Variants in IL1RAPL2 observed in about 807,000 individuals in gnomAD.
IL1RAPL2 encodes the protein interleukin 1 receptor accessory protein like 2.
In IL1RAPL2, 3 loss-of-function variants were observed where a neutral mutation model predicts 44.1. That is an observed-to-expected ratio of 0.07 (90% CI 0.03 to 0.18). The LOEUF is 0.18. Among genes scored for constraint, IL1RAPL2 ranks in the 10% least tolerant of loss-of-function variants. The pLI is 1.00. For synonymous variants in IL1RAPL2, 181 were observed against 178.8 expected, an observed-to-expected ratio of 1.01 and a Z score of -0.10; for missense variants, 391 against 496.4, an observed-to-expected ratio of 0.79 and a Z score of 2.02.
At chrX:104,874,512 T>A (rs916344307) in intron 2 of IL1RAPL2, among the ~76,000 whole-genome samples, 2 of 110,874 alleles carry the variant, frequency 1.8e-5, no homozygotes, top group Non-Finnish European at 3.8e-5. Context: ...GCTGCCAGGA[T>A]ACAGGAAAGT....
intron 4 of IL1RAPL2, among the ~76,000 whole-genome samples, chrX:105,263,568 C>T (rs1569415212): frequency 9.0e-6 from 1 of 111,598 alleles, no homozygotes; most frequent in Admixed American, 9.5e-5. Context: ...ATGTAGCTGG[C>T]AACAGGTTAC....
intron 2 of IL1RAPL2, among the ~76,000 whole-genome samples, chrX:105,150,919 T>G (rs192073341): frequency 8.9e-6 from 1 of 112,018 alleles, no homozygotes; most frequent in African/African-American, 3.2e-5. Context: ...TGTGGAGAAA[T>G]AGAGGAAATC....
At chrX:104,865,369 G>C (rs750674081) in intron 2 of IL1RAPL2, among the ~76,000 whole-genome samples, 3 of 112,038 alleles carry the variant, frequency 2.7e-5, no homozygotes, top group Admixed American at 9.5e-5. Context: ...GCTATATTAT[G>C]TTAGGCATAA....
intron 2 of IL1RAPL2, among the ~76,000 whole-genome samples, chrX:104,709,528 T>C (rs750504093): frequency 2.7e-5 from 3 of 110,384 alleles, no homozygotes; most frequent in African/African-American, 6.6e-5. Flanking sequence ...TTCTTACCCA[T>C]CCCTCTTCTG....
intron 2 of IL1RAPL2, among the ~76,000 whole-genome samples, chrX:105,126,268 T>C (rs1245072709): frequency 9.0e-6 from 1 of 111,121 alleles, no homozygotes; most frequent in Non-Finnish European, 1.9e-5. Flanking sequence ...TGATCTATCA[T>C]GTAATTCTAT....
intron 6 of IL1RAPL2, among the ~76,000 whole-genome samples, chrX:105,667,895 A>G (rs1454568357): frequency 9.0e-6 from 1 of 111,322 alleles, no homozygotes; most frequent in Non-Finnish European, 1.9e-5. Flanking sequence ...ACAAGTAACA[A>G]TTAACACAGG....
intron 1 of IL1RAPL2, among the ~76,000 whole-genome samples, chrX:104,570,679 T>C (rs1928129000): frequency 8.9e-6 from 1 of 112,380 alleles, no homozygotes; most frequent in Non-Finnish European, 1.9e-5. Flanking sequence ...CAGTTTCTTT[T>C]GGGCTTCCCC....
chrX:104,732,064 T>C (rs1319931970), intron 2 of IL1RAPL2, among the ~76,000 whole-genome samples: 1 of 111,663 alleles, frequency 9.0e-6, no homozygotes, highest in Non-Finnish European at 1.9e-5. Context: ...ATGTAATTCA[T>C]TGGTTAAGAA....
At chrX:105,520,923 CTTTTTTTTTT>C (rs1172515228) in intron 6 of IL1RAPL2, among the ~76,000 whole-genome samples, 12 of 52,373 alleles carry the variant, frequency 2.3e-4, no homozygotes, top group African/African-American at 7.4e-4. Context: ...TTCTTTCTTT[CTTTTTTTTTT>C]TTTTTTTTTT....
intron 5 of IL1RAPL2, among the ~76,000 whole-genome samples, chrX:105,271,651 T>C (rs1016169334): frequency 3.6e-5 from 4 of 111,133 alleles, no homozygotes; most frequent in Non-Finnish European, 7.5e-5. Flanking sequence ...TTTCACGATA[T>C]TGATTCTTCC....
intron 2 of IL1RAPL2, among the ~76,000 whole-genome samples, chrX:105,054,189 T>A (rs1474165700): frequency 9.2e-6 from 1 of 108,834 alleles, no homozygotes; most frequent in Non-Finnish European, 1.9e-5. Flanking sequence ...ACACACACAC[T>A]CACACTGAGA....
At chrX:105,108,753 A>G (rs766841982) in intron 2 of IL1RAPL2, among the ~76,000 whole-genome samples, 1 of 111,553 alleles carries the variant, frequency 9.0e-6, no homozygotes, top group African/African-American at 3.3e-5. Context: ...GACCACTGCA[A>G]CATTCTCTTA....
rs183509805 is a variant in IL1RAPL2 at position 104,750,521 on chromosome X, A to G, written c.82+91526A>G. On this transcript the variant is annotated intron_variant, in intron 2 of 10. Transcript: ENST00000372582. ...TGTGCAGTATTGCTGGCAGGAATAG[A>G]AACAACAAGCAGATGTTTTAGCAGA... 2.5e-3 allele frequency among the ~76,000 whole-genome samples: 275 copies of G among 110,935 alleles called. 1 individual carries two copies. Among genetic ancestry groups the G allele is most frequent in the Non-Finnish European group, 3.2e-3 (171 of 52,939 alleles).
chrX:105,277,002 T>A (rs1018105411), intron 5 of IL1RAPL2, among the ~76,000 whole-genome samples: 1 of 111,457 alleles, frequency 9.0e-6, no homozygotes, highest in Non-Finnish European at 1.9e-5. Flanking sequence ...GACAAATGGA[T>A]CACCTTAGAA....
intron 2 of IL1RAPL2, among the ~76,000 whole-genome samples, chrX:105,010,622 T>G (rs1283011827): frequency 1.8e-5 from 2 of 111,577 alleles, no homozygotes; most frequent in Non-Finnish European, 3.8e-5. Flanking sequence ...ATTCACCCAT[T>G]CTTATACCAT....
At chrX:104,853,758 C>T (rs1215324095) in intron 2 of IL1RAPL2, among the ~76,000 whole-genome samples, 1 of 108,244 alleles carries the variant, frequency 9.2e-6, no homozygotes, top group Non-Finnish European at 1.9e-5. Flanking sequence ...AAAACATTAG[C>T]CAGGCGTGGT....
At chrX:105,384,342 C>T (rs2035460597) in intron 5 of IL1RAPL2, among the ~76,000 whole-genome samples, 1 of 111,655 alleles carries the variant, frequency 9.0e-6, no homozygotes, top group South Asian at 3.7e-4. Context: ...TCCAGTTTTG[C>T]CAGCACCATT....
At chrX:105,415,428 A>G (rs1209770687) in intron 5 of IL1RAPL2, among the ~76,000 whole-genome samples, 4 of 111,575 alleles carry the variant, frequency 3.6e-5, no homozygotes, top group Admixed American at 9.5e-5. Context: ...TGGGAGTAGC[A>G]TTATTTGTGT....
chrX:105,362,363 G>A lies in IL1RAPL2; in HGVS notation c.697+94822G>A, dbSNP rs147855813. Among the ~76,000 whole-genome samples, 101 of 111,364 alleles carry A rather than the reference G, an allele frequency of 9.1e-4. 1 individual carries two copies. Among genetic ancestry groups the A allele is most frequent in the Middle Eastern group, 4.6e-3 (1 of 217 alleles). ...TAGAAGGGAAAGGACTACTTTTATC[G>A]TGCAGGAGATTGATTGAATTATATA... On this transcript the variant is annotated intron_variant, in intron 5 of 10. Coordinates refer to ENST00000372582, the MANE Select transcript of IL1RAPL2 (RefSeq NM_017416.2).
Sources: allele counts gnomAD v4.1 joint callset (sites outside exome capture counted in the v4.1 genomes callset), GRCh38; gene constraint gnomAD v4.1.1; transcripts MANE v1.5; gene names NCBI Gene and HGNC (gene_info 2026-07-23, HGNC 2026-07-21).